The following ITGB3BP variants were observed in gnomAD, a reference collection of about 807,000 sequenced individuals.
ITGB3BP encodes integrin subunit beta 3 binding protein, also known as centromere protein R.
A neutral mutation model predicts 29.1 loss-of-function variants in ITGB3BP; 27 were observed. The observed-to-expected ratio is 0.93, with a 90% CI of 0.68 to 1.28. ITGB3BP has a LOEUF of 1.28. Ranked by LOEUF, ITGB3BP falls within the 50% of genes most tolerant of loss-of-function variation. ITGB3BP has a pLI of 0.00. For missense variants in ITGB3BP, 192 were observed against 200.2 expected (o/e 0.96, Z 0.25); for synonymous variants, 61 against 61.4 (o/e 0.99, Z 0.03).
chr1:63,513,087 T>C (rs1373277850), intron 1 of ITGB3BP, among the ~76,000 whole-genome samples: 1 of 152,176 alleles, frequency 6.6e-6, no homozygotes, highest in African/African-American at 2.4e-5. Context: ...AGGCACTTGA[T>C]CTTGATGTAT....
chr1:63,462,805 T>C (rs895862669), intron 4 of ITGB3BP, among the ~76,000 whole-genome samples: 2 of 152,156 alleles, frequency 1.3e-5, no homozygotes, highest in Admixed American at 6.5e-5. Flanking sequence ...GCATACATAA[T>C]GCAAAACAAA....
At chr1:63,472,737 G>A (rs542549639) in intron 4 of ITGB3BP, among the ~76,000 whole-genome samples, 3 of 150,262 alleles carry the variant, frequency 2.0e-5, no homozygotes, top group South Asian at 2.2e-4. Flanking sequence ...TCGGCCTCCC[G>A]AGGCGCCGGG....
intron 7 of ITGB3BP, among the ~76,000 whole-genome samples, chr1:63,450,760 C>T (rs1644850235): frequency 6.6e-6 from 1 of 151,862 alleles, no homozygotes; most frequent in Admixed American, 6.6e-5. Flanking sequence ...TCCTAAGTAA[C>T]TGAAGAAAGA....
chr1:63,455,408 T>TA (rs1007696908), intron 4 of ITGB3BP, among the ~76,000 whole-genome samples: 16 of 149,132 alleles, frequency 1.1e-4, no homozygotes, highest in Non-Finnish European at 1.5e-4. Context: ...GCTTCTAGTT[T>TA]AAAAAAAAAA....
chr1:63,480,072 C>T lies in ITGB3BP; in HGVS notation c.185-1239G>A, dbSNP rs552943943. Among the ~76,000 whole-genome samples, 6 of 150,622 alleles carry T rather than the reference C, an allele frequency of 4.0e-5. No homozygotes were observed. In the South Asian group the frequency reaches 1.2e-3, roughly 31 times the overall value. On this transcript the variant is annotated intron_variant, in intron 3 of 8. Coordinates refer to ENST00000271002, the MANE Select transcript of ITGB3BP (RefSeq NM_014288.5). ...CTTGGAAAGATCTAAGTATATCACT[C>T]ATTATTTATTTAAGATAACAATAAA...
chr1:63,473,108 G>A (rs1279578227), intron 4 of ITGB3BP, among the ~76,000 whole-genome samples: 1 of 151,278 alleles, frequency 6.6e-6, no homozygotes, highest in Non-Finnish European at 1.5e-5. Flanking sequence ...TGAGATGTGG[G>A]GAGCACCTCT....
intron 1 of ITGB3BP, among the ~76,000 whole-genome samples, chr1:63,513,023 A>G (rs1646234829): frequency 6.6e-6 from 1 of 152,152 alleles, no homozygotes; most frequent in Admixed American, 6.5e-5. Flanking sequence ...GGTTATGCAT[A>G]TTTGGCATAA....
intron 1 of ITGB3BP, 160 bp downstream of exon 1, chr1:63,522,969 A>G (rs763833076): frequency 1.2e-5 from 10 of 831,960 alleles, no homozygotes; most frequent in Non-Finnish European, 2.1e-5. Context: ...GAGGAGACGT[A>G]GAGTTGAGGG....
At chr1:63,459,296 TC>T (rs1484606780) in intron 4 of ITGB3BP, among the ~76,000 whole-genome samples, 1 of 152,160 alleles carries the variant, frequency 6.6e-6, no homozygotes, top group Non-Finnish European at 1.5e-5. Flanking sequence ...TACAGCATTC[TC>T]AAAGGCCACA....
chr1:63,501,486 T>C (rs747605793), intron 2 of ITGB3BP, among the ~76,000 whole-genome samples: 4 of 152,090 alleles, frequency 2.6e-5, no homozygotes, highest in Non-Finnish European at 4.4e-5. Context: ...TAACTGCTAA[T>C]AGGTATGGGG....
At chr1:63,500,711 C>A (rs377313295) in intron 2 of ITGB3BP, among the ~76,000 whole-genome samples, 2 of 152,138 alleles carry the variant, frequency 1.3e-5, no homozygotes, top group East Asian at 1.9e-4. Context: ...AATTTCCCAA[C>A]TGAATCTGCA....
intron 4 of ITGB3BP, among the ~76,000 whole-genome samples, chr1:63,473,351 G>A (rs1209117456): frequency 6.6e-6 from 1 of 151,050 alleles, no homozygotes; most frequent in African/African-American, 2.4e-5. Context: ...GGTGGCGGGG[G>A]GTCAGCCCCC....
intron 7 of ITGB3BP, among the ~76,000 whole-genome samples, chr1:63,450,596 T>C (rs1644848427): frequency 6.6e-6 from 1 of 151,996 alleles, no homozygotes; most frequent in African/African-American, 2.4e-5. Context: ...ATCAGCCCAC[T>C]GAATGGTCAT....
intron 3 of ITGB3BP, among the ~76,000 whole-genome samples, chr1:63,479,313 A>G (rs944801762): frequency 2.6e-5 from 4 of 152,182 alleles, no homozygotes; most frequent in African/African-American, 9.7e-5. Context: ...TTTAGGGGTA[A>G]AAGTACCTTT....
intron 3 of ITGB3BP, among the ~76,000 whole-genome samples, chr1:63,481,002 G>C (rs1239333780): frequency 2.0e-5 from 3 of 152,038 alleles, no homozygotes; most frequent in African/African-American, 7.2e-5. Context: ...TTGCCTAAAG[G>C]TCAATACTAG....
At chr1:63,465,338 T>G (rs1258220641) in intron 4 of ITGB3BP, among the ~76,000 whole-genome samples, 4 of 152,170 alleles carry the variant, frequency 2.6e-5, no homozygotes, top group Non-Finnish European at 4.4e-5. Context: ...AATTTAAAAT[T>G]ATTTAAGAAT....
At chr1:63,441,650 T>C (rs913536989) in intron 8 of ITGB3BP, among the ~76,000 whole-genome samples, 5 of 152,188 alleles carry the variant, frequency 3.3e-5, no homozygotes, top group Admixed American at 6.5e-5. Context: ...CTCAGAGAAT[T>C]TTAAAACTCC....
intron 4 of ITGB3BP, among the ~76,000 whole-genome samples, chr1:63,461,264 A>G (rs1423779332): frequency 6.6e-6 from 1 of 150,852 alleles, no homozygotes; most frequent in Non-Finnish European, 1.5e-5. Flanking sequence ...AAAAAAAAAA[A>G]AAAAAAAAAA....
intron 3 of ITGB3BP, among the ~76,000 whole-genome samples, chr1:63,487,857 G>A (rs1327730122): frequency 1.3e-5 from 2 of 152,090 alleles, no homozygotes; most frequent in East Asian, 3.9e-4. Flanking sequence ...CCACAAAAAT[G>A]TGAGTAACGT....
Sources: allele counts gnomAD v4.1 joint callset (sites outside exome capture counted in the v4.1 genomes callset), GRCh38; gene constraint gnomAD v4.1.1; transcripts MANE v1.5; gene names NCBI Gene and HGNC (gene_info 2026-07-23, HGNC 2026-07-21).